Variants in TTC7A observed in about 807,000 individuals in gnomAD.
The protein encoded by TTC7A is tetratricopeptide repeat domain 7A, also known as tetratricopeptide repeat protein 7A.
A neutral mutation model predicts 103.7 loss-of-function variants in TTC7A; 110 were observed. The observed-to-expected ratio is 1.06, with a 90% CI of 0.91 to 1.24. The LOEUF is 1.24. Among genes scored for constraint, TTC7A ranks in the 50% most tolerant of loss-of-function variants. The probability of loss-of-function intolerance (pLI) is 0.00; values close to 1 mark genes in which losing one functional copy is unlikely to be tolerated. For synonymous variants in TTC7A, 521 were observed against 467.9 expected (o/e 1.11, Z -1.47); for missense variants, 1,340 against 1,116.3 (o/e 1.20, Z -2.86).
intron 5 of TTC7A, among the ~76,000 whole-genome samples, chr2:46,983,559 A>C (rs901016264): frequency 6.6e-6 from 1 of 152,220 alleles, no homozygotes; most frequent in Non-Finnish European, 1.5e-5. Context: ...CTCTGTCTGC[A>C]GAGATTTGGG....
intron 18 of TTC7A, among the ~76,000 whole-genome samples, chr2:47,058,379 A>G (rs546357722): frequency 1.3e-5 from 2 of 152,340 alleles, no homozygotes; most frequent in East Asian, 3.9e-4. Flanking sequence ...ACCTTAGGCA[A>G]TGCTCGTGCT....
intron 15 of TTC7A, among the ~76,000 whole-genome samples, chr2:47,033,979 A>G (rs1296499963): frequency 6.6e-6 from 1 of 152,154 alleles, no homozygotes; most frequent in African/African-American, 2.4e-5. Flanking sequence ...CCCGGAGAAA[A>G]CCCGGCTTTC....
chr2:47,034,237 C>A (rs1680868700), intron 15 of TTC7A: 1 of 152,244 alleles, frequency 6.6e-6, no homozygotes, highest in African/African-American at 2.4e-5. Context: ...GACACATGTG[C>A]CAGCCGGGCT....
chr2:46,934,594 A>T (rs994045499), intron 2 of TTC7A, among the ~76,000 whole-genome samples: 5 of 151,658 alleles, frequency 3.3e-5, no homozygotes, highest in African/African-American at 1.2e-4. Flanking sequence ...CAATAGATAG[A>T]CTCAAACTGC....
At chr2:47,009,903 T>TTGGGG (rs1677848751) in intron 10 of TTC7A, among the ~76,000 whole-genome samples, 1 of 56,584 alleles carries the variant, frequency 1.8e-5, no homozygotes, top group African/African-American at 5.8e-5. Flanking sequence ...TTTTTTTTTT[T>TTGGGG]GGTGGTGGGG....
intron 17 of TTC7A, chr2:47,050,252 G>T: frequency 1.7e-6 from 1 of 579,668 alleles, no homozygotes; most frequent in Non-Finnish European, 3.1e-6. Flanking sequence ...AGTGGGCAGG[G>T]GAGGAACCCT....
intron 2 of TTC7A, among the ~76,000 whole-genome samples, chr2:46,925,152 G>T (rs6419615): frequency 7.2e-5 from 11 of 152,046 alleles, no homozygotes; most frequent in African/African-American, 2.4e-4. Flanking sequence ...GGGGTTGTCT[G>T]GCTATGTTCC....
intron 1 of TTC7A, among the ~76,000 whole-genome samples, chr2:46,944,374 G>GTTTTTTTTTTTTTTTT (rs34191565): frequency 1.1e-5 from 1 of 88,944 alleles, no homozygotes; most frequent in Non-Finnish European, 2.0e-5. Flanking sequence ...GGTATTTTGG[G>GTTTTTTTTTTTTTTTT]TTTTTTTTTT....
intron 18 of TTC7A, among the ~76,000 whole-genome samples, chr2:47,052,729 G>C (rs970119372): frequency 6.6e-6 from 1 of 152,166 alleles, no homozygotes; most frequent in Non-Finnish European, 1.5e-5. Context: ...CAGAGGAGGA[G>C]GATAGGCTAA....
At chr2:47,053,525 G>GGTTTTTTT (rs1683047559) in intron 18 of TTC7A, among the ~76,000 whole-genome samples, 1 of 124,532 alleles carries the variant, frequency 8.0e-6, no homozygotes, top group Non-Finnish European at 1.7e-5. Flanking sequence ...GTTTTTGGTG[G>GGTTTTTTT]GTTTTTTTGT....
intron 9 of TTC7A, among the ~76,000 whole-genome samples, 182 bp from the exon 10 acceptor site, chr2:47,006,459 G>A (rs977099146): frequency 1.3e-5 from 2 of 152,232 alleles, no homozygotes; most frequent in African/African-American, 4.8e-5. Context: ...GACTTGAGTA[G>A]GGTCACACAG....
intron 5 of TTC7A, among the ~76,000 whole-genome samples, chr2:46,982,834 G>A (rs892143173): frequency 1.3e-5 from 2 of 152,106 alleles, no homozygotes; most frequent in African/African-American, 2.4e-5. Context: ...GGACATCGTG[G>A]TGTGCACCTG....
At chr2:47,064,983 A>G (rs1684069336) in intron 19 of TTC7A, among the ~76,000 whole-genome samples, 1 of 152,238 alleles carries the variant, frequency 6.6e-6, no homozygotes, top group South Asian at 2.1e-4. Flanking sequence ...GAAAACGAGA[A>G]AAGCTTAAAG....
At chr2:47,040,653 C>T (rs1041495237) in intron 15 of TTC7A, 1 of 152,258 alleles carries the variant, frequency 6.6e-6, no homozygotes, top group African/African-American at 2.4e-5. Flanking sequence ...GGCCTAGAAA[C>T]TTGCTTCTTG....
At chr2:46,934,714 C>G (rs978985257) in intron 2 of TTC7A, among the ~76,000 whole-genome samples, 13 of 150,380 alleles carry the variant, frequency 8.6e-5, no homozygotes, top group African/African-American at 3.2e-4. Flanking sequence ...CAAAAAAACC[C>G]GCACTTCAAA....
intron 10 of TTC7A, among the ~76,000 whole-genome samples, chr2:47,009,410 G>A (rs1009766336): frequency 2.0e-5 from 3 of 152,092 alleles, no homozygotes; most frequent in African/African-American, 4.8e-5. Context: ...CTGAGTGACC[G>A]CACAACGCCT....
intron 2 of TTC7A, among the ~76,000 whole-genome samples, chr2:46,924,375 T>C (rs1010857891): frequency 2.6e-5 from 4 of 152,184 alleles, no homozygotes; most frequent in African/African-American, 9.7e-5. Context: ...ATTGAGAATT[T>C]TCCCTACTTT....
intron 19 of TTC7A, among the ~76,000 whole-genome samples, chr2:47,073,103 T>G (rs990360277): frequency 1.3e-5 from 2 of 152,108 alleles, no homozygotes; most frequent in Non-Finnish European, 2.9e-5. Flanking sequence ...GACCCTCTCC[T>G]GAGGAGCCAC....
At chr2:46,974,886 G>A (rs956990387) in intron 3 of TTC7A, 87 bp from the exon 4 acceptor site, 38 of 1,544,116 alleles carry the variant, frequency 2.5e-5, no homozygotes, top group East Asian at 4.7e-5. Flanking sequence ...CTGCCCCCTC[G>A]GATGAGCCCA....
Sources: gnomAD v4.1 joint callset for allele counts (sites outside exome capture counted in the v4.1 genomes callset) on GRCh38, gnomAD v4.1.1 for gene constraint, MANE v1.5 for transcripts, NCBI Gene and HGNC (gene_info 2026-07-23, HGNC 2026-07-21) for gene names.